The following CUX1 variants were observed in gnomAD, a reference collection of about 807,000 sequenced individuals.
The protein encoded by CUX1 is protein CASP.
Under a neutral mutation model 158.8 loss-of-function variants are expected in CUX1, and 31 were observed. The observed-to-expected ratio is 0.20, with a 90% CI of 0.15 to 0.26. The LOEUF (loss-of-function observed/expected upper bound fraction) is 0.26. Ranked by LOEUF, CUX1 falls within the 10% of genes least tolerant of loss-of-function variation. CUX1 has a pLI of 1.00. For missense variants in CUX1, 1,589 were observed against 2,014.6 expected, an observed-to-expected ratio of 0.79 and a Z score of 4.04; for synonymous variants, 879 against 862.1, an observed-to-expected ratio of 1.02 and a Z score of -0.34.
chr7:101,997,067 A>G (rs1451823004), intron 2 of CUX1, among the ~76,000 whole-genome samples: 1 of 152,116 alleles, frequency 6.6e-6, no homozygotes, highest in Non-Finnish European at 1.5e-5. Flanking sequence ...CTGACCGCCC[A>G]TCAGGGCCTG....
chr7:101,848,051 C>CAAAAAA (rs57428019), intron 1 of CUX1, among the ~76,000 whole-genome samples: 78 of 65,342 alleles, frequency 1.2e-3, no homozygotes, highest in African/African-American at 2.2e-3. Flanking sequence ...GAGCAAGACT[C>CAAAAAA]AAAAAAAAAA....
At chr7:102,003,855 A>G (rs1362744719) in intron 2 of CUX1, among the ~76,000 whole-genome samples, 2 of 152,114 alleles carry the variant, frequency 1.3e-5, no homozygotes, top group African/African-American at 2.4e-5. Flanking sequence ...GCTTCATGTT[A>G]TAAGGTGTTT....
At chr7:101,851,647 T>C (rs983879317) in intron 1 of CUX1, among the ~76,000 whole-genome samples, 4 of 152,192 alleles carry the variant, frequency 2.6e-5, no homozygotes, top group African/African-American at 9.7e-5. Context: ...TTTTGTCCTT[T>C]GTTCTAACAC....
intron 9 of CUX1, among the ~76,000 whole-genome samples, chr7:102,166,454 G>C (rs1021761262): frequency 6.6e-6 from 1 of 152,156 alleles, no homozygotes; most frequent in Non-Finnish European, 1.5e-5. Context: ...CCACAGGGAA[G>C]TGATGTCTCA....
At chr7:102,115,364 T>C (rs1438879327) in intron 8 of CUX1, 91 bp downstream of exon 8, 1 of 1,084,626 alleles carries the variant, frequency 9.2e-7, no homozygotes, top group South Asian at 1.5e-5. Flanking sequence ...TCTTGACCTC[T>C]GTGCTGCTGC....
chr7:101,974,622 G>C (rs1812414450), intron 2 of CUX1, among the ~76,000 whole-genome samples: 1 of 152,152 alleles, frequency 6.6e-6, no homozygotes, highest in Non-Finnish European at 1.5e-5. Context: ...GGCCTTTTCA[G>C]CTGGAGAGAG....
intron 23 of CUX1, among the ~76,000 whole-genome samples, chr7:102,247,221 AAAAAG>A (rs1330402636): frequency 3.9e-4 from 58 of 150,134 alleles, no homozygotes; most frequent in African/African-American, 5.7e-4. Context: ...GGAAAAAAAA[AAAAAG>A]AAAGAAAAAA....
chr7:102,190,019 A>G (rs930353062), intron 12 of CUX1, 148 bp downstream of exon 12: 1 of 807,126 alleles, frequency 1.2e-6, no homozygotes, highest in Non-Finnish European at 2.0e-6. Context: ...CTACCACTGC[A>G]TGGTGTCCTG....
At chr7:102,050,201 G>T (rs1474418509) in intron 3 of CUX1, among the ~76,000 whole-genome samples, 3 of 152,164 alleles carry the variant, frequency 2.0e-5, no homozygotes, top group African/African-American at 7.2e-5. Flanking sequence ...GCGTGACCTT[G>T]AATATCTCAT....
intron 2 of CUX1, among the ~76,000 whole-genome samples, chr7:101,969,359 C>CAAAAAAAAAAAAAAAAAAAAAAAGA (rs1811641271): frequency 2.3e-4 from 13 of 56,118 alleles, no homozygotes; most frequent in South Asian, 9.3e-4. Context: ...CAAAAAACAG[C>CAAAAAAAAAAAAAAAAAAAAAAAGA]AAAAAAAAAA....
At chr7:101,905,976 C>T (rs897975392) in intron 1 of CUX1, among the ~76,000 whole-genome samples, 4 of 152,026 alleles carry the variant, frequency 2.6e-5, no homozygotes, top group African/African-American at 9.7e-5. Context: ...GTGTGCGCCA[C>T]CATGCCCAGC....
chr7:102,004,692 T>G (rs1411194155), intron 2 of CUX1, among the ~76,000 whole-genome samples: 1 of 152,016 alleles, frequency 6.6e-6, no homozygotes, highest in African/African-American at 2.4e-5. Context: ...TCTGGTGTCC[T>G]GACCACCGAG....
chr7:101,838,007 A>T (rs1441027158), intron 1 of CUX1, among the ~76,000 whole-genome samples: 4 of 151,584 alleles, frequency 2.6e-5, no homozygotes, highest in Non-Finnish European at 5.9e-5. Flanking sequence ...TCTATTAATT[A>T]TGCCTTTATA....
At chr7:101,829,741 C>G (rs1793769767) in intron 1 of CUX1, among the ~76,000 whole-genome samples, 1 of 152,096 alleles carries the variant, frequency 6.6e-6, no homozygotes. Flanking sequence ...TGGAGCCTTG[C>G]CCTGGCAAGA....
At position 102,251,792 on chromosome 7, in the gene CUX1, G is replaced by T; in HGVS notation, c.*2750G>T. 5 of 985,226 alleles carry T rather than the reference G, an allele frequency of 5.1e-6. No individual in the cohort carries two copies. Among genetic ancestry groups the T allele is most frequent in the Non-Finnish European group, 6.0e-6 (5 of 829,806 alleles). The allele number at this position is 985,226 out of a possible 1,614,324, so 61.0% of individuals were successfully genotyped here. The stretch of plus-strand genomic sequence containing the variant: ...CGTCTAATTTTCATAAGAATGAAAA[G>T]AAGTTAACAGGAAATAGTAGGCTAG... On this transcript the variant is annotated 3_prime_UTR_variant, in exon 24 of 24. Transcript: ENST00000292535.
chr7:101,943,885 AG>A (rs539819358), intron 2 of CUX1, among the ~76,000 whole-genome samples: 14 of 150,122 alleles, frequency 9.3e-5, no homozygotes, highest in Admixed American at 1.3e-4. Context: ...ACAGAGGCCG[AG>A]GTGGGAGGAT....
At chr7:102,281,923 G>A (rs1426392560) in intron 21 of CUX1, 1 of 1,604,018 alleles carries the variant, frequency 6.2e-7, no homozygotes, top group Non-Finnish European at 8.5e-7. Context: ...TCTTCCTGGT[G>A]AGTGTGCACA....
rs928410987 is a variant in CUX1 at position 102,158,012 on chromosome 7, C to G, written c.675-548C>G. ...AACCTGTGTCACCATCCTCACCTGC[C>G]CTCCTCACCTCCAGTTGGCCACCTT... On this transcript the variant is annotated intron_variant, in intron 8 of 23. Transcript: ENST00000292535. Among the ~76,000 whole-genome samples the G allele has an allele frequency of 2.6e-5, 4 of 152,242 alleles. No individual in the cohort carries two copies. The South Asian group carries it at 8.3e-4, about 32-fold the overall frequency.
chr7:101,907,086 A>G (rs1026261450), intron 1 of CUX1, among the ~76,000 whole-genome samples: 5 of 152,220 alleles, frequency 3.3e-5, no homozygotes, highest in Non-Finnish European at 5.9e-5. Context: ...ATGGGGAAGG[A>G]TTAAGTGTCT....
Sources: gnomAD v4.1 joint callset for allele counts (sites outside exome capture counted in the v4.1 genomes callset) on GRCh38, gnomAD v4.1.1 for gene constraint, MANE v1.5 for transcripts, NCBI Gene and HGNC (gene_info 2026-07-23, HGNC 2026-07-21) for gene names.